Variants in GAB2 observed in about 807,000 individuals in gnomAD.
The protein encoded by GAB2 is GRB2-associated-binding protein 2.
In GAB2, 26 loss-of-function variants were observed where a neutral mutation model predicts 65.5. That is an observed-to-expected ratio of 0.40 (90% CI 0.29 to 0.55). The LOEUF (loss-of-function observed/expected upper bound fraction) is 0.55. Ranked by LOEUF, GAB2 falls within the 20% of genes least tolerant of loss-of-function variation. The pLI is 0.53. For missense variants in GAB2, 884 were observed against 875.8 expected, an observed-to-expected ratio of 1.01 and a Z score of -0.12; for synonymous variants, 321 against 329.6, an observed-to-expected ratio of 0.97 and a Z score of 0.28.
rs115318063 is a variant in GAB2 at position 78,226,782 on chromosome 11, G to A, written c.890C>T (p.Thr297Met). 1.8e-4 allele frequency: 284 copies of A among 1,614,124 alleles called. No homozygotes were observed. The East Asian group carries it at 4.0e-3, about 23-fold the overall frequency. ...TDNEDVYTFKTPSNTLCREFG... is the reference protein window; with the variant it reads ...TDNEDVYTFKMPSNTLCREFG... ...CTCCCTGCACAGGGTGTTGCTGGGC[G>A]TCTTGAAGGTGTACACATCCTCATT... The change falls in exon 4 of 10, where the codon ACG becomes ATG. Residue 297 changes from threonine to methionine, a missense_variant. Coordinates refer to ENST00000361507, the MANE Select transcript of GAB2 (RefSeq NM_080491.3).
intron 1 of GAB2, among the ~76,000 whole-genome samples, chr11:78,309,926 ATGTGTGTGTG>A (rs60718900): frequency 0.26 from 35,843 of 135,488 alleles, 5,112 homozygotes; most frequent in Middle Eastern, 0.34. Context: ...AGGGTTAGAA[ATGTGTGTGTG>A]TGTGTGTGTG....
chr11:78,362,958 G>A (rs1387528999), intron 1 of GAB2, among the ~76,000 whole-genome samples: 1 of 152,064 alleles, frequency 6.6e-6, no homozygotes, highest in African/African-American at 2.4e-5. Context: ...ATATGGCCTC[G>A]AAATATATAA....
intron 1 of GAB2, among the ~76,000 whole-genome samples, chr11:78,381,440 C>T (rs1048875745): frequency 6.6e-6 from 1 of 152,180 alleles, no homozygotes; most frequent in Non-Finnish European, 1.5e-5. Context: ...CAAGGGCACA[C>T]AGCTTATTTA....
chr11:78,224,660 C>T (rs554844655), intron 5 of GAB2, among the ~76,000 whole-genome samples: 13 of 152,260 alleles, frequency 8.5e-5, no homozygotes, highest in South Asian at 4.1e-4. Context: ...TGGAGAACTG[C>T]GGTTAGCATC....
chr11:78,340,507 T>C (rs963102474), intron 1 of GAB2, among the ~76,000 whole-genome samples: 1 of 152,072 alleles, frequency 6.6e-6, no homozygotes, highest in African/African-American at 2.4e-5. Context: ...CCTATCACTT[T>C]GAAATCTTTC....
At chr11:78,231,254 T>C (rs1481133276) in intron 3 of GAB2, among the ~76,000 whole-genome samples, 1 of 152,064 alleles carries the variant, frequency 6.6e-6, no homozygotes, top group Non-Finnish European at 1.5e-5. Context: ...CCCTTTCCAT[T>C]CCTGGCCAAT....
intron 1 of GAB2, among the ~76,000 whole-genome samples, chr11:78,314,509 T>C (rs1162525121): frequency 6.6e-6 from 1 of 152,236 alleles, no homozygotes; most frequent in Admixed American, 6.5e-5. Flanking sequence ...GCTAGTTATG[T>C]GATTTCAGCC....
At chr11:78,316,928 T>A (rs1256508394) in intron 1 of GAB2, among the ~76,000 whole-genome samples, 1 of 152,194 alleles carries the variant, frequency 6.6e-6, no homozygotes, top group Non-Finnish European at 1.5e-5. Context: ...ACACAGTACA[T>A]GCATACAATG....
chr11:78,382,448 G>A (rs1351395099), intron 1 of GAB2, among the ~76,000 whole-genome samples: 1 of 150,990 alleles, frequency 6.6e-6, no homozygotes, highest in African/African-American at 2.4e-5. Context: ...GCGGGATCTC[G>A]GCTCACTGCA....
At chr11:78,395,381 G>A (rs1196187723) in intron 1 of GAB2, among the ~76,000 whole-genome samples, 1 of 152,182 alleles carries the variant, frequency 6.6e-6, no homozygotes, top group Non-Finnish European at 1.5e-5. Context: ...TTGAACCCAG[G>A]GGGCAGAGGT....
At chr11:78,287,649 A>ATTTTTTTTTTTTTTTTTT (rs368184721) in intron 1 of GAB2, among the ~76,000 whole-genome samples, 1 of 136,742 alleles carries the variant, frequency 7.3e-6, no homozygotes, top group African/African-American at 2.7e-5. Flanking sequence ...TGCTCTTATC[A>ATTTTTTTTTTTTTTTTTT]TTTTTTTTTT....
intron 1 of GAB2, among the ~76,000 whole-genome samples, chr11:78,342,404 C>CTTTTTTT (rs143105179): frequency 4.6e-5 from 5 of 109,874 alleles, no homozygotes; most frequent in African/African-American, 7.3e-5. Flanking sequence ...ACACTTTGCA[C>CTTTTTTT]TTTTTTTTTT....
At chr11:78,319,126 A>G (rs1295655478) in intron 1 of GAB2, among the ~76,000 whole-genome samples, 1 of 152,116 alleles carries the variant, frequency 6.6e-6, no homozygotes, top group African/African-American at 2.4e-5. Flanking sequence ...GAGCGTTTGG[A>G]TGCACCCTCA....
chr11:78,249,431 G>C (rs1042410374), intron 3 of GAB2, among the ~76,000 whole-genome samples: 1 of 152,204 alleles, frequency 6.6e-6, no homozygotes, highest in South Asian at 2.1e-4. Context: ...CTCTGGCAAA[G>C]CCTATCAGCT....
intron 6 of GAB2, among the ~76,000 whole-genome samples, chr11:78,222,640 C>T (rs193188793): frequency 1.7e-4 from 26 of 151,736 alleles, no homozygotes; most frequent in African/African-American, 5.6e-4. Context: ...TGGAGTGCAG[C>T]GGCGCAATCT....
chr11:78,321,190 AC>A (rs1312062722), intron 1 of GAB2, among the ~76,000 whole-genome samples: 1 of 152,118 alleles, frequency 6.6e-6, no homozygotes, highest in Non-Finnish European at 1.5e-5. Context: ...GGATATGAGT[AC>A]CCCTGTACCA....
At chr11:78,309,950 G>A (rs1394134625) in intron 1 of GAB2, among the ~76,000 whole-genome samples, 1 of 147,116 alleles carries the variant, frequency 6.8e-6, no homozygotes, top group Non-Finnish European at 1.5e-5. Flanking sequence ...GTGTGTGTGT[G>A]TGTGTGTGTG....
intron 1 of GAB2, among the ~76,000 whole-genome samples, chr11:78,292,565 A>G (rs1383228569): frequency 6.6e-6 from 1 of 152,252 alleles, no homozygotes; most frequent in Non-Finnish European, 1.5e-5. Context: ...TTCTGAACAT[A>G]TGATGTACAA....
At chr11:78,292,373 G>C (rs559833953) in intron 1 of GAB2, among the ~76,000 whole-genome samples, 16 of 152,328 alleles carry the variant, frequency 1.1e-4, no homozygotes, top group African/African-American at 3.8e-4. Flanking sequence ...AAGATGATTT[G>C]AGACCTTGAG....
Sources: allele counts gnomAD v4.1 joint callset (sites outside exome capture counted in the v4.1 genomes callset), GRCh38; gene constraint gnomAD v4.1.1; transcripts MANE v1.5; gene names NCBI Gene and HGNC (gene_info 2026-07-23, HGNC 2026-07-21).